ZNF423: variants seen among roughly 807,000 people sequenced by gnomAD.
ZNF423 encodes zinc finger protein 423, also known as Ebf-associated zinc finger protein.
ZNF423 carries 12 observed loss-of-function variants against 95.8 expected under a neutral mutation model. The ratio of observed to expected loss-of-function variants is 0.13; its 90% CI spans 0.08 to 0.20. The LOEUF is 0.20. Among genes scored for constraint, ZNF423 ranks in the 10% least tolerant of loss-of-function variants. ZNF423 has a pLI of 1.00. For synonymous variants in ZNF423, 749 were observed against 711.9 expected, an observed-to-expected ratio of 1.05 and a Z score of -0.83; for missense variants, 1,316 against 1,737.1, an observed-to-expected ratio of 0.76 and a Z score of 4.31.
intron 1 of ZNF423, among the ~76,000 whole-genome samples, chr16:49,840,361 G>A (rs558838907): frequency 8.5e-5 from 13 of 152,184 alleles, no homozygotes; most frequent in African/African-American, 3.1e-4. Flanking sequence ...ACAAAATCCT[G>A]GAATACATTT....
chr16:49,677,246 GATAA>G (rs2031102262), intron 3 of ZNF423, among the ~76,000 whole-genome samples: 1 of 19,798 alleles, frequency 5.1e-5, no homozygotes, highest in Non-Finnish European at 9.3e-5. Flanking sequence ...GAGAAGAGAA[GATAA>G]GAGAAGAGAA....
intron 4 of ZNF423, among the ~76,000 whole-genome samples, chr16:49,634,882 A>C (rs1972629946): frequency 6.6e-6 from 1 of 152,096 alleles, no homozygotes; most frequent in Non-Finnish European, 1.5e-5. Flanking sequence ...GCCACTTATC[A>C]TGGGCCTGTG....
intron 3 of ZNF423, among the ~76,000 whole-genome samples, chr16:49,675,407 C>A (rs1342949493): frequency 6.6e-6 from 1 of 152,176 alleles, no homozygotes; most frequent in Non-Finnish European, 1.5e-5. Context: ...TTACAGCATT[C>A]AGCCACTCCC....
At chr16:49,728,074 G>A (rs1388915745) in intron 3 of ZNF423, among the ~76,000 whole-genome samples, 1 of 152,104 alleles carries the variant, frequency 6.6e-6, no homozygotes, top group African/African-American at 2.4e-5. Flanking sequence ...AGTCTGACAG[G>A]CCCCAGTACT....
At chr16:49,517,693 G>A in intron 7 of ZNF423, 1 of 200,246 alleles carries the variant, frequency 5.0e-6, no homozygotes, top group South Asian at 7.0e-5. Flanking sequence ...TTTTTTCATT[G>A]TTAGATCAGG....
intron 3 of ZNF423, among the ~76,000 whole-genome samples, chr16:49,684,674 A>G (rs1033771935): frequency 2.0e-5 from 3 of 152,126 alleles, no homozygotes; most frequent in Admixed American, 1.3e-4. Context: ...CAAATCTAGG[A>G]CCCAAGAGCA....
rs1470337393 is a variant in ZNF423, at chr16:49,517,910, G to A, written c.3849+5714C>T. The A allele has an allele frequency of 6.7e-6, 3 of 447,502 alleles. No homozygotes were observed. In the East Asian group the frequency reaches 2.1e-4, roughly 31 times the overall value. The allele number at this position is 447,502 out of a possible 1,614,324, so 27.7% of individuals were successfully genotyped here. On this transcript the variant is annotated intron_variant, in intron 7 of 7. Transcript: ENST00000563137. ...ACAATAGCAATTAAAATGAGCAAAGGTAAAAAAGAAATGTAGAAACTGATC... is the reference window on the plus strand; with the variant it reads ...ACAATAGCAATTAAAATGAGCAAAGATAAAAAAGAAATGTAGAAACTGATC...
chr16:49,635,615 C>A lies in ZNF423; in HGVS notation c.3516+45G>T, dbSNP rs1972660136. ...TGGCTCCTGTGGGGACCAGAGGAGC[C>A]CCAAGGAGAGGAGCAGGGAGCAGGA... On this transcript the variant is annotated intron_variant, in intron 4 of 7. Coordinates refer to ENST00000563137, the MANE Select transcript of ZNF423 (RefSeq NM_001379286.1). This position sits in a 1 kb window ranked among gnomAD's most constrained non-coding sequence, Gnocchi z 4.8. 1 of 1,510,862 alleles carries A rather than the reference C, an allele frequency of 6.6e-7. No individual in the cohort carries two copies. The highest frequency in any genetic ancestry group is 1.4e-5 in the African/African-American group (1 of 71,372). 93.6% of individuals were successfully genotyped at this position (1,510,862 alleles called of 1,614,324 possible).
At chr16:49,539,982 A>G (rs761261546) in intron 5 of ZNF423, among the ~76,000 whole-genome samples, 1 of 152,108 alleles carries the variant, frequency 6.6e-6, no homozygotes, top group Non-Finnish European at 1.5e-5. Flanking sequence ...AGGGCCCAGG[A>G]TGCAGGAGCC....
intron 3 of ZNF423, among the ~76,000 whole-genome samples, chr16:49,684,772 G>A (rs1486069470): frequency 6.6e-6 from 1 of 152,188 alleles, no homozygotes; most frequent in Non-Finnish European, 1.5e-5. Flanking sequence ...ACCAGGTTAA[G>A]CAGCACCCCA....
At chr16:49,736,915 A>G (rs915045460) in intron 2 of ZNF423, among the ~76,000 whole-genome samples, 1 of 152,194 alleles carries the variant, frequency 6.6e-6, no homozygotes. Context: ...CTGTGCAGCA[A>G]GACAGATGGC....
chr16:49,848,054 C>G (rs927097024), intron 1 of ZNF423, among the ~76,000 whole-genome samples: 15 of 151,888 alleles, frequency 9.9e-5, no homozygotes, highest in African/African-American at 3.1e-4. Context: ...CAGTGAACTA[C>G]GATCACGTCA....
intron 3 of ZNF423, chr16:49,707,881 T>G (rs1567303211): frequency 6.6e-6 from 1 of 152,348 alleles, no homozygotes; most frequent in Non-Finnish European, 1.5e-5. Flanking sequence ...GGTGCGATCT[T>G]GGCTCACCGC....
chr16:49,537,130 A>G (rs1262327511), intron 5 of ZNF423, among the ~76,000 whole-genome samples: 2 of 152,226 alleles, frequency 1.3e-5, no homozygotes, highest in Non-Finnish European at 2.9e-5. Context: ...TTATGTGGGC[A>G]CTTTGCCCAA....
chr16:49,838,679 T>G (rs1017297484), intron 1 of ZNF423, among the ~76,000 whole-genome samples: 1 of 151,946 alleles, frequency 6.6e-6, no homozygotes, highest in Admixed American at 6.5e-5. Context: ...CCAGGAGTCC[T>G]GAGGGCGCCA....
intron 7 of ZNF423, among the ~76,000 whole-genome samples, chr16:49,516,878 C>T (rs11863402): frequency 0.28 from 42,013 of 152,142 alleles, 6,298 homozygotes; most frequent in African/African-American, 0.4. Flanking sequence ...TGGCTGCCAC[C>T]GCTGTCACTA....
At chr16:49,725,523 G>A (rs1369063564) in intron 3 of ZNF423, among the ~76,000 whole-genome samples, 5 of 152,144 alleles carry the variant, frequency 3.3e-5, no homozygotes, top group African/African-American at 7.2e-5. Flanking sequence ...AGAACATAAC[G>A]GGGAACAAAA....
chr16:49,787,787 T>TC (rs1317266872), intron 2 of ZNF423, among the ~76,000 whole-genome samples: 1 of 151,958 alleles, frequency 6.6e-6, no homozygotes, highest in East Asian at 1.9e-4. Context: ...CTGCATCACC[T>TC]CCAGCCCCAC....
chr16:49,713,612 C>T (rs2032611992), intron 3 of ZNF423, among the ~76,000 whole-genome samples: 1 of 152,184 alleles, frequency 6.6e-6, no homozygotes, highest in East Asian at 1.9e-4. Context: ...CTTCCCCTGC[C>T]CGCTTCTGCA....
Sources: gnomAD v4.1 joint callset for allele counts (sites outside exome capture counted in the v4.1 genomes callset) on GRCh38, gnomAD v4.1.1 for gene constraint, Gnocchi (gnomAD v3.1) non-coding constraint, MANE v1.5 for transcripts, NCBI Gene and HGNC (gene_info 2026-07-23, HGNC 2026-07-21) for gene names.